Variants in MRE11 observed in about 807,000 individuals in gnomAD.
MRE11 encodes the protein MRE11 double strand break repair nuclease.
MRE11 carries 62 observed loss-of-function variants against 91.7 expected under a neutral mutation model. That is an observed-to-expected ratio of 0.68 (90% CI 0.55 to 0.84). The LOEUF is 0.84. Ranked by LOEUF, MRE11 falls within the 40% of genes least tolerant of loss-of-function variation. The pLI is 0.00. For missense variants in MRE11, 796 were observed against 852.9 expected (o/e 0.93, Z 0.83); for synonymous variants, 273 against 271.4 (o/e 1.01, Z -0.06).
intron 7 of MRE11, chr11:94,473,216 G>T (rs1946763837): frequency 6.6e-6 from 1 of 152,074 alleles, no homozygotes; most frequent in Non-Finnish European, 1.5e-5. Context: ...GTGTATCCAG[G>T]AATGTTTTTA....
chr11:94,489,039 T>C (rs138941719), intron 3 of MRE11, among the ~76,000 whole-genome samples: 1,604 of 152,134 alleles, frequency 0.011, 33 homozygotes, highest in African/African-American at 0.037. Flanking sequence ...AGATACAGCA[T>C]GAACAAACAA....
intron 10 of MRE11, 139 bp from the exon 11 acceptor site, chr11:94,464,378 G>A: frequency 5.2e-6 from 6 of 1,153,774 alleles, no homozygotes; most frequent in Non-Finnish European, 7.5e-6. Context: ...AGTAGATCAT[G>A]ATGGAGCTAT....
chr11:94,433,592 C>T lies in MRE11; in HGVS notation c.1994+2240G>A, dbSNP rs528979732. Reference sequence around the variant, plus strand: ...GACCTGGTGGGAGATAATTGAATCACGGGGGCAGTTCCCCCATACTAATCT... The same window carrying T: ...GACCTGGTGGGAGATAATTGAATCATGGGGGCAGTTCCCCCATACTAATCT... On this transcript the variant is annotated intron_variant, in intron 18 of 19. Transcript: ENST00000323929. Among the ~76,000 whole-genome samples, 10 of 152,296 alleles carry T rather than the reference C, an allele frequency of 6.6e-5. No homozygotes were observed. In the East Asian group the frequency reaches 1.7e-3, roughly 26 times the overall value.
chr11:94,474,321 G>T (rs1408161755), intron 7 of MRE11, among the ~76,000 whole-genome samples: 3 of 152,042 alleles, frequency 2.0e-5, no homozygotes, highest in Non-Finnish European at 1.5e-5. Context: ...AAACAGATGG[G>T]AAGACATTGA....
At chr11:94,505,191 A>T in the MRE11 span, among the ~76,000 whole-genome samples, 1 of 152,286 alleles carries the variant, frequency 6.6e-6, no homozygotes, top group Non-Finnish European at 1.5e-5. Context: ...TCCTGTCATT[A>T]TTTTAGGGTG....
intron 14 of MRE11, among the ~76,000 whole-genome samples, chr11:94,455,442 CA>C (rs1946225285): frequency 6.6e-6 from 1 of 151,878 alleles, no homozygotes; most frequent in Non-Finnish European, 1.5e-5. Context: ...TGAATGAAAG[CA>C]ATCAAGACAA....
the MRE11 span, among the ~76,000 whole-genome samples, chr11:94,502,725 G>A: frequency 6.6e-6 from 1 of 152,070 alleles, no homozygotes; most frequent in East Asian, 1.9e-4. Context: ...CCAGGCTAGA[G>A]TGCACTGGCA....
At chr11:94,468,799 C>T (rs895874427) in intron 9 of MRE11, among the ~76,000 whole-genome samples, 1 of 142,494 alleles carries the variant, frequency 7.0e-6, no homozygotes, top group Non-Finnish European at 1.5e-5. Context: ...AAGTGAGAAA[C>T]TGAATTTTAA....
chr11:94,458,816 T>C (rs1347305320), intron 13 of MRE11, among the ~76,000 whole-genome samples: 3 of 152,238 alleles, frequency 2.0e-5, no homozygotes, highest in African/African-American at 4.8e-5. Flanking sequence ...ATATTTCTTT[T>C]ATGAACCACC....
At chr11:94,502,065 C>G in the MRE11 span, among the ~76,000 whole-genome samples, 1 of 152,104 alleles carries the variant, frequency 6.6e-6, no homozygotes, top group East Asian at 1.9e-4. Flanking sequence ...ATATTAATAG[C>G]TAACAACTGA....
intron 10 of MRE11, among the ~76,000 whole-genome samples, chr11:94,464,613 C>A (rs949216233): frequency 3.9e-5 from 6 of 152,190 alleles, no homozygotes; most frequent in African/African-American, 1.4e-4. Flanking sequence ...AAATAAAATA[C>A]TAGCCTTAAA....
chr11:94,429,764 A>G (rs1945413084), intron 19 of MRE11, 147 bp downstream of exon 19: 4 of 689,908 alleles, frequency 5.8e-6, no homozygotes, highest in Non-Finnish European at 9.7e-6. Flanking sequence ...CGCAATTCCC[A>G]TGTAACAAAC....
intron 6 of MRE11, 22 bp downstream of exon 6, chr11:94,478,713 C>G: frequency 6.2e-7 from 1 of 1,611,102 alleles, no homozygotes; most frequent in Non-Finnish European, 8.5e-7. Flanking sequence ...TGGACATAAA[C>G]AGTAAAATAA....
At chr11:94,507,525 T>G in the MRE11 span, among the ~76,000 whole-genome samples, 1 of 152,344 alleles carries the variant, frequency 6.6e-6, no homozygotes, top group South Asian at 2.1e-4. Flanking sequence ...TATATTCCAC[T>G]TTAGTAAAAA....
intron 18 of MRE11, among the ~76,000 whole-genome samples, 159 bp downstream of exon 18, chr11:94,435,673 T>C (rs1945586644): frequency 6.6e-6 from 1 of 152,256 alleles, no homozygotes; most frequent in Non-Finnish European, 1.5e-5. Flanking sequence ...ATCAACTCTA[T>C]AAACTAGCCC....
intron 7 of MRE11, among the ~76,000 whole-genome samples, chr11:94,474,911 G>C (rs975306172): frequency 1.3e-5 from 2 of 152,142 alleles, no homozygotes; most frequent in African/African-American, 4.8e-5. Context: ...GAAGCTCTAT[G>C]GAAGAGAAGG....
intron 9 of MRE11, among the ~76,000 whole-genome samples, chr11:94,468,884 A>G (rs905773763): frequency 1.3e-5 from 2 of 152,156 alleles, no homozygotes; most frequent in Middle Eastern, 3.2e-3. Flanking sequence ...GAGAAAATCT[A>G]TAAGAATATG....
intron 13 of MRE11, among the ~76,000 whole-genome samples, chr11:94,458,214 GTTC>G (rs1483419183): frequency 7.1e-6 from 1 of 141,798 alleles, no homozygotes; most frequent in Non-Finnish European, 1.5e-5. Context: ...ACATTGTTTT[GTTC>G]TTCTGCTTAG....
chr11:94,447,517 T>C, intron 14 of MRE11, 79 bp from the exon 15 acceptor site: 2 of 1,356,510 alleles, frequency 1.5e-6, no homozygotes, highest in Non-Finnish European at 2.1e-6. Context: ...GGCATTGACA[T>C]GAACTAATCA....
Sources: allele counts gnomAD v4.1 joint callset (sites outside exome capture counted in the v4.1 genomes callset), GRCh38; gene constraint gnomAD v4.1.1; transcripts MANE v1.5; gene names NCBI Gene and HGNC (gene_info 2026-07-23, HGNC 2026-07-21).